The following ZFHX3 variants were observed in gnomAD, a reference collection of about 807,000 sequenced individuals.
The protein encoded by ZFHX3 is zinc finger homeobox protein 3.
In ZFHX3, 42 loss-of-function variants were observed where a neutral mutation model predicts 279.1. The ratio of observed to expected loss-of-function variants is 0.15; its 90% confidence interval spans 0.12 to 0.19. The LOEUF is 0.19. Among genes scored for constraint, ZFHX3 ranks in the 10% least tolerant of loss-of-function variants. The pLI is 1.00. For missense variants in ZFHX3, 4,981 were observed against 4,754.0 expected, an observed-to-expected ratio of 1.05 and a Z score of -1.40; for synonymous variants, 2,293 against 1,957.8, an observed-to-expected ratio of 1.17 and a Z score of -4.52.
At chr16:73,110,478 A>G (rs1966359485) in intron 7 of ZFHX3, among the ~76,000 whole-genome samples, 1 of 152,208 alleles carries the variant, frequency 6.6e-6, no homozygotes, top group Non-Finnish European at 1.5e-5. Flanking sequence ...AATTTTAAAA[A>G]CATATATAAT....
chr16:72,964,133 G>A (rs760390825), intron 1 of ZFHX3, among the ~76,000 whole-genome samples: 1 of 152,144 alleles, frequency 6.6e-6, no homozygotes, highest in Non-Finnish European at 1.5e-5. Context: ...TCCTACAGGC[G>A]ACCAGGCAGC....
intron 9 of ZFHX3, chr16:72,789,962 T>C (rs1411885876): frequency 6.6e-6 from 1 of 152,328 alleles, no homozygotes; most frequent in African/African-American, 2.4e-5. Context: ...GAAGCACCAC[T>C]GCCTATGGAT....
chr16:73,250,021 T>C (rs2013434531), intron 5 of ZFHX3, among the ~76,000 whole-genome samples: 1 of 152,228 alleles, frequency 6.6e-6, no homozygotes, highest in African/African-American at 2.4e-5. Context: ...AGTTGGCTCA[T>C]ACTTCAGTGT....
At chr16:73,392,418 CAAAAA>C (rs35019692) in intron 3 of ZFHX3, among the ~76,000 whole-genome samples, 7,772 of 35,564 alleles carry the variant, frequency 0.22, 214 homozygotes, top group Middle Eastern at 0.3. Flanking sequence ...GACCCTGTCT[CAAAAA>C]AAAAAAAAAA....
chr16:73,291,304 G>A (rs371203950), intron 4 of ZFHX3, among the ~76,000 whole-genome samples: 31 of 152,220 alleles, frequency 2.0e-4, no homozygotes, highest in African/African-American at 6.5e-4. Context: ...CTGGGCCCAT[G>A]GCCATCATCA....
intron 3 of ZFHX3, among the ~76,000 whole-genome samples, chr16:73,320,651 G>A (rs1278752163): frequency 6.6e-6 from 1 of 152,158 alleles, no homozygotes; most frequent in Non-Finnish European, 1.5e-5. Context: ...AGCAAGCACT[G>A]CTGTGGCACA....
intron 1 of ZFHX3, among the ~76,000 whole-genome samples, chr16:73,011,527 G>C (rs1449577312): frequency 6.6e-6 from 1 of 152,026 alleles, no homozygotes; most frequent in African/African-American, 2.4e-5. Flanking sequence ...CAGATCACGA[G>C]GTCAAGAGAT....
At chr16:73,766,474 C>T (rs1169129202) in intron 1 of ZFHX3, among the ~76,000 whole-genome samples, 2 of 152,208 alleles carry the variant, frequency 1.3e-5, no homozygotes, top group African/African-American at 2.4e-5. Context: ...CTTTGACATC[C>T]ATAGCCCATT....
At chr16:73,418,597 A>G (rs1458175798) in intron 3 of ZFHX3, among the ~76,000 whole-genome samples, 1 of 152,246 alleles carries the variant, frequency 6.6e-6, no homozygotes, top group Non-Finnish European at 1.5e-5. Flanking sequence ...TCCCACAGAC[A>G]ACAGCTTAGC....
chr16:73,244,603 A>T (rs2013225254), intron 5 of ZFHX3, among the ~76,000 whole-genome samples: 3 of 152,230 alleles, frequency 2.0e-5, no homozygotes, highest in Admixed American at 2.0e-4. Context: ...AGGGAATTTC[A>T]ACCCGAAGCA....
At chr16:73,036,256 C>A (rs1964899716) in intron 1 of ZFHX3, among the ~76,000 whole-genome samples, 1 of 152,214 alleles carries the variant, frequency 6.6e-6, no homozygotes, top group Non-Finnish European at 1.5e-5. Context: ...CACTAGGGAT[C>A]ACAAGGCCAG....
intron 3 of ZFHX3, among the ~76,000 whole-genome samples, chr16:73,382,488 G>T (rs1418775949): frequency 6.6e-6 from 1 of 152,126 alleles, no homozygotes; most frequent in Non-Finnish European, 1.5e-5. Context: ...GCCCTTGGAG[G>T]TTTCCAGCAA....
At chr16:73,107,169 G>A (rs1207961925) in intron 7 of ZFHX3, among the ~76,000 whole-genome samples, 2 of 152,078 alleles carry the variant, frequency 1.3e-5, no homozygotes, top group East Asian at 3.9e-4. Flanking sequence ...CACTAGCTGA[G>A]TGTGGTGGTG....
chr16:73,532,437 T>G (rs541162652), intron 2 of ZFHX3, among the ~76,000 whole-genome samples: 1 of 152,290 alleles, frequency 6.6e-6, no homozygotes, highest in African/African-American at 2.4e-5. Context: ...TAAACCTCTT[T>G]TTCTTTATAA....
chr16:73,865,238 T>C (rs1485162221), intron 1 of ZFHX3, among the ~76,000 whole-genome samples: 1 of 151,992 alleles, frequency 6.6e-6, no homozygotes, highest in Non-Finnish European at 1.5e-5. Context: ...TTGGGGAGGG[T>C]TTCTTATGCA....
intron 8 of ZFHX3, among the ~76,000 whole-genome samples, chr16:73,067,445 T>G (rs1366998348): frequency 6.6e-6 from 1 of 152,170 alleles, no homozygotes; most frequent in African/African-American, 2.4e-5. Flanking sequence ...ATTTGTGAAC[T>G]TCAGCGAAGG....
chr16:73,319,673 G>A (rs1363491889), intron 3 of ZFHX3, among the ~76,000 whole-genome samples: 2 of 152,170 alleles, frequency 1.3e-5, no homozygotes, highest in African/African-American at 4.8e-5. Flanking sequence ...TCCTCATCAA[G>A]TTGGCTTTGA....
At chr16:73,154,423 A>G (rs917971096) in intron 5 of ZFHX3, among the ~76,000 whole-genome samples, 5 of 152,166 alleles carry the variant, frequency 3.3e-5, no homozygotes, top group Admixed American at 2.0e-4. Flanking sequence ...GCCACTGGAC[A>G]GTCACTCCCT....
intron 5 of ZFHX3, among the ~76,000 whole-genome samples, chr16:73,146,414 G>A (rs907199864): frequency 1.3e-5 from 2 of 150,160 alleles, no homozygotes; most frequent in African/African-American, 4.9e-5. Context: ...GTGACACAGC[G>A]AGACTCCATC....
Sources: gnomAD v4.1 joint callset for allele counts (sites outside exome capture counted in the v4.1 genomes callset) on GRCh38, gnomAD v4.1.1 for gene constraint, MANE v1.5 for transcripts, NCBI Gene and HGNC (gene_info 2026-07-23, HGNC 2026-07-21) for gene names.